The following TACC2 variants were observed in gnomAD, a reference collection of about 807,000 sequenced individuals.
The protein encoded by TACC2 is transforming acidic coiled-coil containing protein 2, also known as transforming acidic coiled-coil-containing protein 2.
In TACC2, 137 loss-of-function variants were observed where a neutral mutation model predicts 227.3. The ratio of observed to expected loss-of-function variants is 0.60; its 90% CI spans 0.52 to 0.69. TACC2 has a LOEUF of 0.69. Among genes scored for constraint, TACC2 ranks in the 30% least tolerant of loss-of-function variants. TACC2 has a pLI of 0.00. For synonymous variants in TACC2, 1,523 were observed against 1,487.5 expected, an observed-to-expected ratio of 1.02 and a Z score of -0.55; for missense variants, 3,470 against 3,694.4, an observed-to-expected ratio of 0.94 and a Z score of 1.57.
rs769692522 is a variant in TACC2 at position 122,213,305 on chromosome 10, C to T, written c.7283+1597C>T. 5 of 1,603,938 alleles carry T rather than the reference C, an allele frequency of 3.1e-6. No homozygotes were observed. The South Asian group carries it at 5.5e-5, about 18-fold the overall frequency. ...GATTTATCTTTTTTGTCAGTTCCTTCTGTCTGTCTCTCTTTTTCTTTGTCT... is the reference window on the plus strand; with the variant it reads ...GATTTATCTTTTTTGTCAGTTCCTTTTGTCTGTCTCTCTTTTTCTTTGTCT... On this transcript the variant is annotated intron_variant, in intron 9 of 22. Coordinates refer to ENST00000369005, the MANE Select transcript of TACC2 (RefSeq NM_206862.4).
At chr10:122,073,707 C>T (rs775995089) in intron 3 of TACC2, among the ~76,000 whole-genome samples, 6 of 152,156 alleles carry the variant, frequency 3.9e-5, no homozygotes, top group African/African-American at 7.2e-5. Flanking sequence ...AGAAATCCTG[C>T]GGTAGAAAAG....
intron 1 of TACC2, among the ~76,000 whole-genome samples, chr10:121,998,565 T>C (rs977140779): frequency 3.3e-5 from 5 of 152,242 alleles, no homozygotes; most frequent in African/African-American, 7.2e-5. Flanking sequence ...GTTTCGTAAG[T>C]GTTATTAATG....
chr10:122,143,429 G>A, intron 6 of TACC2, 143 bp from the exon 7 acceptor site: 1 of 885,544 alleles, frequency 1.1e-6, no homozygotes, highest in South Asian at 1.7e-5. Context: ...GCCTGGATGG[G>A]GAAGCCGGGG....
intron 1 of TACC2, among the ~76,000 whole-genome samples, chr10:122,005,974 T>G (rs1212875878): frequency 6.6e-6 from 1 of 152,092 alleles, no homozygotes; most frequent in Non-Finnish European, 1.5e-5. Flanking sequence ...GGATTATAGG[T>G]GTAAGCTACC....
chr10:122,129,888 G>A (rs778275106), intron 5 of TACC2, among the ~76,000 whole-genome samples: 1 of 152,202 alleles, frequency 6.6e-6, no homozygotes, highest in Non-Finnish European at 1.5e-5. Flanking sequence ...GCACACATGT[G>A]CTAGTCCAAT....
At chr10:122,044,347 A>G (rs957844825) in intron 2 of TACC2, among the ~76,000 whole-genome samples, 1 of 152,254 alleles carries the variant, frequency 6.6e-6, no homozygotes, top group Non-Finnish European at 1.5e-5. Context: ...GGGATGGTCT[A>G]GCAGAACTGG....
chr10:122,145,287 G>A (rs1269177272), intron 7 of TACC2, among the ~76,000 whole-genome samples: 2 of 152,134 alleles, frequency 1.3e-5, no homozygotes, highest in African/African-American at 4.8e-5. Context: ...ACTGGTGAAA[G>A]GATCAACAAA....
At chr10:122,063,860 T>C (rs943727741) in intron 3 of TACC2, among the ~76,000 whole-genome samples, 8 of 135,764 alleles carry the variant, frequency 5.9e-5, no homozygotes, top group African/African-American at 2.3e-4. Context: ...ACACACACCC[T>C]TAAAGAAATG....
intron 1 of TACC2, among the ~76,000 whole-genome samples, chr10:122,005,194 G>T (rs1954917855): frequency 1.3e-5 from 2 of 150,922 alleles, no homozygotes; most frequent in Admixed American, 1.3e-4. Context: ...TGATTCTCCT[G>T]CCTCAGCCTC....
intron 2 of TACC2, 63 bp downstream of exon 2, chr10:122,022,077 C>G: frequency 6.5e-7 from 1 of 1,543,134 alleles, no homozygotes; most frequent in Non-Finnish European, 9.0e-7. Flanking sequence ...TGACTAGGTT[C>G]TTTTTACAGC....
intron 10 of TACC2, 36 bp from the exon 11 acceptor site, chr10:122,216,591 T>C (rs1418308042): frequency 1.3e-6 from 2 of 1,599,920 alleles, no homozygotes; most frequent in African/African-American, 2.7e-5. Context: ...ACCAAGAGTC[T>C]GATGAGACAA....
In TACC2 at chr10:122,030,521, G is replaced by T. The variant is rs567478470; in HGVS notation, c.33+8507G>T. Among the ~76,000 whole-genome samples, 6 of 152,206 alleles carry T rather than the reference G, an allele frequency of 3.9e-5. No individual in the cohort carries two copies. In the East Asian group the frequency reaches 9.7e-4, roughly 25 times the overall value. Reference sequence around the variant, plus strand: ...GTTTACTAGTTAGGAAGGTAAAAATGCTGGTGTGGGGGTTCAATACCCGCA... The same window carrying T: ...GTTTACTAGTTAGGAAGGTAAAAATTCTGGTGTGGGGGTTCAATACCCGCA... On this transcript the variant is annotated intron_variant, in intron 2 of 22. Coordinates refer to ENST00000369005, the MANE Select transcript of TACC2 (RefSeq NM_206862.4).
chr10:122,005,803 C>T (rs1590945600), intron 1 of TACC2, among the ~76,000 whole-genome samples: 1 of 151,468 alleles, frequency 6.6e-6, no homozygotes, highest in Non-Finnish European at 1.5e-5. Flanking sequence ...AAGCAATTCT[C>T]CTGCCTCAGC....
At chr10:122,099,801 A>G (rs1362493152) in intron 5 of TACC2, among the ~76,000 whole-genome samples, 1 of 152,200 alleles carries the variant, frequency 6.6e-6, no homozygotes, top group Non-Finnish European at 1.5e-5. Context: ...TGCAGGGTTT[A>G]GTTTTGTTTT....
chr10:122,174,129 T>C (rs987769803), intron 7 of TACC2, among the ~76,000 whole-genome samples: 5 of 152,214 alleles, frequency 3.3e-5, no homozygotes, highest in Non-Finnish European at 1.5e-5. Context: ...CCATTTCCTC[T>C]TTGTTTTTCC....
chr10:122,094,545 C>G (rs550234935), intron 5 of TACC2, among the ~76,000 whole-genome samples: 2 of 152,222 alleles, frequency 1.3e-5, no homozygotes, highest in Non-Finnish European at 2.9e-5. Flanking sequence ...TCCTAAAGCA[C>G]TGGGATTATT....
At chr10:122,053,402 C>T (rs968468514) in intron 3 of TACC2, among the ~76,000 whole-genome samples, 17 of 151,990 alleles carry the variant, frequency 1.1e-4, no homozygotes, top group Non-Finnish European at 1.8e-4. Context: ...TCCCGCAACA[C>T]GTGGGAATTC....
Position 122,085,825 on chromosome 10 carries a change from G to T in TACC2, c.3325G>T (p.Glu1109Ter). 1 of 1,613,054 alleles carries T rather than the reference G, an allele frequency of 6.2e-7. No individual in the cohort carries two copies. The highest frequency in any genetic ancestry group is 8.5e-7 in the Non-Finnish European group (1 of 1,179,388). The change falls in exon 4 of 23, where the codon GAG becomes TAG. Residue 1109 changes from glutamate (E) to a stop codon, truncating the protein, a stop_gained. Transcript: ENST00000369005. LOFTEE classifies it high-confidence loss of function. ...KMECWATSDA[E>*]SPKLLASFPS... The stretch of plus-strand genomic sequence containing the variant: ...GGAGTGCTGGGCCACTTCGGATGCA[G>T]AGTCCCCAAAGCTTCTTGCAAGTTT...
At chr10:122,076,321 G>C (rs928201605) in intron 3 of TACC2, among the ~76,000 whole-genome samples, 1 of 152,110 alleles carries the variant, frequency 6.6e-6, no homozygotes, top group Non-Finnish European at 1.5e-5. Context: ...TGAGGGCAGG[G>C]CCTTCACAAC....
Sources: gnomAD v4.1 joint callset for allele counts (sites outside exome capture counted in the v4.1 genomes callset) on GRCh38, gnomAD v4.1.1 for gene constraint, MANE v1.5 for transcripts, NCBI Gene and HGNC (gene_info 2026-07-23, HGNC 2026-07-21) for gene names.